PDE4B: variants seen among roughly 807,000 people sequenced by gnomAD.
PDE4B encodes the protein phosphodiesterase 4B.
A neutral mutation model predicts 82.2 loss-of-function variants in PDE4B; 20 were observed. The observed-to-expected ratio is 0.24, with a 90% confidence interval of 0.17 to 0.35. PDE4B has a LOEUF of 0.35. Among genes scored for constraint, PDE4B ranks in the 10% least tolerant of loss-of-function variants. PDE4B has a pLI of 1.00. For missense variants in PDE4B, 655 were observed against 907.2 expected (o/e 0.72, Z 3.57); for synonymous variants, 320 against 318.9 (o/e 1.00, Z -0.04).
chr1:65,894,821 A>C (rs983338495), intron 1 of PDE4B, among the ~76,000 whole-genome samples: 1 of 152,208 alleles, frequency 6.6e-6, no homozygotes, highest in South Asian at 2.1e-4. Flanking sequence ...GTGAGATACT[A>C]CTATACTCCC....
intron 13 of PDE4B, 56 bp from the exon 14 acceptor site, chr1:66,367,640 C>A (rs1570791041): frequency 7.0e-7 from 1 of 1,421,508 alleles, no homozygotes. Flanking sequence ...GAGATAATGC[C>A]AACATTCAAA....
intron 3 of PDE4B, among the ~76,000 whole-genome samples, chr1:65,932,187 T>C (rs1337735291): frequency 6.6e-6 from 1 of 151,458 alleles, no homozygotes; most frequent in Non-Finnish European, 1.5e-5. Flanking sequence ...GGTGGTTTGA[T>C]CTAGCATGCA....
intron 3 of PDE4B, among the ~76,000 whole-genome samples, chr1:66,064,391 G>A (rs2503225): frequency 0.96 from 145,612 of 151,900 alleles, 69,818 homozygotes; most frequent in East Asian, 0.98. Context: ...GGAGCTGTGG[G>A]ATTGGAAGTC....
intron 1 of PDE4B, among the ~76,000 whole-genome samples, chr1:65,805,949 C>T (rs1645750763): frequency 6.6e-6 from 1 of 152,044 alleles, no homozygotes; most frequent in Admixed American, 6.6e-5. Flanking sequence ...CAGGTCATTT[C>T]TAATTTTGGT....
chr1:66,072,051 A>G (rs1439793422), intron 3 of PDE4B, among the ~76,000 whole-genome samples: 1 of 152,058 alleles, frequency 6.6e-6, no homozygotes, highest in Non-Finnish European at 1.5e-5. Flanking sequence ...GTTTTAGCCT[A>G]CACCTTCATC....
intron 3 of PDE4B, among the ~76,000 whole-genome samples, chr1:65,985,362 C>G (rs1032519830): frequency 6.6e-6 from 1 of 152,044 alleles, no homozygotes. Context: ...TCACAGTTAA[C>G]TGGACTTATA....
intron 3 of PDE4B, among the ~76,000 whole-genome samples, chr1:66,181,767 A>G (rs1312566109): frequency 3.9e-5 from 6 of 152,204 alleles, no homozygotes; most frequent in Non-Finnish European, 7.4e-5. Flanking sequence ...GATTGCAGTC[A>G]GTTCCCTACT....
intron 3 of PDE4B, among the ~76,000 whole-genome samples, chr1:66,148,272 AAAT>A (rs1165348869): frequency 2.0e-5 from 3 of 151,632 alleles, no homozygotes; most frequent in African/African-American, 2.4e-5. Context: ...GCTGTCTTTA[AAAT>A]AATAATAATA....
At chr1:65,812,589 A>G (rs1443038780) in intron 1 of PDE4B, among the ~76,000 whole-genome samples, 2 of 152,198 alleles carry the variant, frequency 1.3e-5, no homozygotes, top group Non-Finnish European at 2.9e-5. Flanking sequence ...TCTGTGTTTT[A>G]AATGCCTCTC....
intron 3 of PDE4B, among the ~76,000 whole-genome samples, chr1:66,184,036 A>G (rs1647128408): frequency 6.6e-6 from 1 of 152,146 alleles, no homozygotes. Context: ...AGATGATCTG[A>G]GGGATGATGG....
At chr1:66,070,378 G>A (rs1289988727) in intron 3 of PDE4B, among the ~76,000 whole-genome samples, 5 of 151,930 alleles carry the variant, frequency 3.3e-5, no homozygotes, top group Non-Finnish European at 7.4e-5. Flanking sequence ...GCAAGCTGGA[G>A]AAAAAAGAAT....
chr1:66,352,056 G>A (rs1048385276), intron 8 of PDE4B, among the ~76,000 whole-genome samples: 2 of 152,104 alleles, frequency 1.3e-5, no homozygotes, highest in African/African-American at 4.8e-5. Flanking sequence ...CCCTTCATAA[G>A]TGCTTTTTGA....
intron 3 of PDE4B, among the ~76,000 whole-genome samples, chr1:66,078,129 T>C (rs1479556116): frequency 6.6e-6 from 1 of 152,080 alleles, no homozygotes; most frequent in Non-Finnish European, 1.5e-5. Flanking sequence ...TTTTTAAGGT[T>C]GCATGGCTAG....
At chr1:66,099,119 C>T (rs1181728386) in intron 3 of PDE4B, among the ~76,000 whole-genome samples, 1 of 152,146 alleles carries the variant, frequency 6.6e-6, no homozygotes, top group Non-Finnish European at 1.5e-5. Flanking sequence ...CACCTATCAA[C>T]TCATCACCTA....
chr1:66,369,098 G>A, intron 16 of PDE4B, 129 bp downstream of exon 16: 1 of 678,178 alleles, frequency 1.5e-6, no homozygotes, highest in East Asian at 3.0e-5. Flanking sequence ...TACGCATTTT[G>A]TTCCATTATA....
intron 3 of PDE4B, among the ~76,000 whole-genome samples, chr1:66,183,069 A>G (rs1647104068): frequency 6.6e-6 from 1 of 152,110 alleles, no homozygotes; most frequent in African/African-American, 2.4e-5. Flanking sequence ...GTGGCATGGG[A>G]AACAGCTTTC....
intron 3 of PDE4B, among the ~76,000 whole-genome samples, chr1:65,926,399 T>C (rs1024949198): frequency 6.6e-6 from 1 of 152,306 alleles, no homozygotes; most frequent in Admixed American, 6.5e-5. Context: ...ACACTTGTTT[T>C]GGCTATAAAA....
Position 66,373,620 on chromosome 1 carries a change from A to T in PDE4B, c.*942A>T, listed in dbSNP as rs574435720. The T allele has an allele frequency of 6.6e-6, 1 of 152,170 alleles. No homozygotes were observed. Among genetic ancestry groups the T allele is most frequent in the Non-Finnish European group, 1.5e-5 (1 of 67,984 alleles). 9.4% of individuals were successfully genotyped at this position (152,170 alleles called of 1,614,324 possible). On this transcript the variant is annotated 3_prime_UTR_variant, in exon 17 of 17. Coordinates refer to ENST00000341517, the MANE Select transcript of PDE4B (RefSeq NM_002600.4). ...CTCTTGCACTGCCTTCTGCGCTAACACCTCCATTCCTGTTTATAACCGTGT... is the reference window on the plus strand; with the variant it reads ...CTCTTGCACTGCCTTCTGCGCTAACTCCTCCATTCCTGTTTATAACCGTGT...
intron 3 of PDE4B, among the ~76,000 whole-genome samples, chr1:66,145,953 GTGACTGCTATA>G (rs1158806648): frequency 6.6e-6 from 1 of 152,156 alleles, no homozygotes; most frequent in Non-Finnish European, 1.5e-5. Context: ...TGAGAATTGT[GTGACTGCTATA>G]TGACTGCAAT....
Sources: gnomAD v4.1 joint callset for allele counts (sites outside exome capture counted in the v4.1 genomes callset) on GRCh38, gnomAD v4.1.1 for gene constraint, MANE v1.5 for transcripts, NCBI Gene and HGNC (gene_info 2026-07-23, HGNC 2026-07-21) for gene names.